CEP41: variants seen among roughly 807,000 people sequenced by gnomAD.
CEP41 encodes centrosomal protein of 41 kDa.
Under a neutral mutation model 44.3 loss-of-function variants are expected in CEP41, and 32 were observed. The observed-to-expected ratio is 0.72, with a 90% confidence interval of 0.54 to 0.97. The LOEUF is 0.97. Among genes scored for constraint, CEP41 ranks in the 50% least tolerant of loss-of-function variants. The pLI, the probability that CEP41 is intolerant of heterozygous loss-of-function variation, is 0.00. For missense variants in CEP41, 432 were observed against 455.2 expected (o/e 0.95, Z 0.46); for synonymous variants, 151 against 168.5 (o/e 0.90, Z 0.80).
chr7:130,432,171 AT>A (rs35852209), intron 1 of CEP41, among the ~76,000 whole-genome samples: 26,188 of 152,062 alleles, frequency 0.17, 2,260 homozygotes, highest in African/African-American at 0.2. Context: ...TGGCAGCAAT[AT>A]TGGAGAATAT....
rs142556122 is a variant in CEP41, at chr7:130,409,129, A to AT, written c.277+1992_277+1993insA. Among the ~76,000 whole-genome samples the AT allele has an allele frequency of 3.3e-3, 500 of 152,350 alleles. 2 individuals are homozygous for AT. Among genetic ancestry groups the AT allele is most frequent in the Non-Finnish European group, 4.8e-3 (326 of 68,028 alleles). On this transcript the variant is annotated intron_variant, in intron 5 of 10. Coordinates refer to ENST00000223208, the MANE Select transcript of CEP41 (RefSeq NM_018718.3). ...CACTTTTAAGTTAGGAAAAAGCGAT[A>AT]AACATTATAAAAGGAGATTTTTATT...
At chr7:130,428,595 A>G (rs1345783620) in intron 1 of CEP41, among the ~76,000 whole-genome samples, 3 of 151,404 alleles carry the variant, frequency 2.0e-5, no homozygotes, top group African/African-American at 4.8e-5. Flanking sequence ...ACTACCTGAT[A>G]AGAAAAAAAA....
rs117226662 is a variant in CEP41 at position 130,420,124 on chromosome 7, C to T, written c.98-3158G>A. On this transcript the variant is annotated intron_variant, in intron 2 of 10. Transcript: ENST00000223208. ...ATTGCTTGAGCCCAGGAGTTCCGGA[C>T]CAGCCTGGGCAAAATAGTGAGACCT... 210 of 936,472 alleles carry T rather than the reference C, an allele frequency of 2.2e-4. 2 individuals are homozygous for T. The East Asian group carries it at 0.022, about 97-fold the overall frequency. The allele number at this position is 936,472 out of a possible 1,614,324, so 58.0% of individuals were successfully genotyped here. A position where few individuals can be genotyped will look rare whatever the true frequency, so the allele number is the denominator to read the frequency against.
intron 2 of CEP41, chr7:130,419,463 TTC>T (rs869034695): frequency 2.0e-6 from 2 of 984,574 alleles, no homozygotes; most frequent in African/African-American, 3.5e-5. Flanking sequence ...TGAAGATAGT[TTC>T]TGACTACCTT....
At chr7:130,400,591 G>C in intron 9 of CEP41, 116 bp downstream of exon 9, 1 of 763,032 alleles carries the variant, frequency 1.3e-6, no homozygotes, top group Non-Finnish European at 2.3e-6. Context: ...CAGCCAGCAT[G>C]GCTTTTTCTC....
At chr7:130,404,498 C>G in intron 6 of CEP41, 66 bp downstream of exon 6, 1 of 1,367,052 alleles carries the variant, frequency 7.3e-7, no homozygotes, top group Non-Finnish European at 1.0e-6. Flanking sequence ...AAAAAGATCC[C>G]TGAAATTGGC....
At chr7:130,405,149 C>T (rs1218580106) in intron 5 of CEP41, among the ~76,000 whole-genome samples, 1 of 152,200 alleles carries the variant, frequency 6.6e-6, no homozygotes, top group African/African-American at 2.4e-5. Context: ...TATTACATCT[C>T]ACCTTGAAGT....
At chr7:130,421,360 G>A (rs1448840699) in intron 2 of CEP41, 2 of 985,332 alleles carry the variant, frequency 2.0e-6, no homozygotes, top group Admixed American at 1.2e-4. Flanking sequence ...CTCCTCTATG[G>A]AGAAGTTCTC....
chr7:130,423,116 T>G (rs1308454494), intron 2 of CEP41, among the ~76,000 whole-genome samples: 11 of 152,082 alleles, frequency 7.2e-5, no homozygotes, highest in Non-Finnish European at 1.5e-4. Flanking sequence ...CTGGCTAATT[T>G]TTTTGTATTT....
chr7:130,397,514 T>C lies in CEP41; in HGVS notation c.*1377A>G. Reference sequence around the variant, plus strand: ...TAGAAATACTGTGGTGCATTTTTTTTTTTTTTTTTTTTTTTTTTTGGTGGC... The same window carrying C: ...TAGAAATACTGTGGTGCATTTTTTTCTTTTTTTTTTTTTTTTTTTGGTGGC... On this transcript the variant is annotated 3_prime_UTR_variant, in exon 11 of 11. Transcript: ENST00000223208. 1 of 359,754 alleles carries C rather than the reference T, an allele frequency of 2.8e-6. No individual in the cohort carries two copies. The highest frequency in any genetic ancestry group is 5.3e-6 in the Non-Finnish European group (1 of 188,300). The allele number at this position is 359,754 out of a possible 1,614,324, so 22.3% of individuals were successfully genotyped here.
rs771256431 is a variant in CEP41 at position 130,395,378 on chromosome 7, G to A, written c.*3513C>T. On this transcript the variant is annotated 3_prime_UTR_variant, in exon 11 of 11. Coordinates refer to ENST00000223208, the MANE Select transcript of CEP41 (RefSeq NM_018718.3). ...TGTTTCCTGGGGAAAAAAAAGTATC[G>A]TGGGAGTTAAATCTTTGAAAGAATT... The A allele has an allele frequency of 2.4e-5, 11 of 453,900 alleles. No individual in the cohort carries two copies. The highest frequency in any genetic ancestry group is 1.6e-4 in the South Asian group (10 of 64,460). 28.1% of individuals were successfully genotyped at this position (453,900 alleles called of 1,614,324 possible).
chr7:130,437,059 T>C (rs1408545704), intron 1 of CEP41, among the ~76,000 whole-genome samples: 8 of 151,316 alleles, frequency 5.3e-5, no homozygotes, highest in Non-Finnish European at 2.9e-5. Flanking sequence ...AACAAACAAA[T>C]TAAAAACATG....
chr7:130,404,528 C>T (rs1796948373), intron 6 of CEP41, 36 bp downstream of exon 6: 2 of 1,597,742 alleles, frequency 1.3e-6, no homozygotes, highest in African/African-American at 1.3e-5. Flanking sequence ...AATATAAAGG[C>T]AAAATGCAGT....
chr7:130,398,766 G>T lies in CEP41; in HGVS notation c.*125C>A. ...AACTGGAGACAGGGACAGGGAAGAG[G>T]CCTATCCCATACATATGTCATGGTC... On this transcript the variant is annotated 3_prime_UTR_variant, in exon 11 of 11. Coordinates refer to ENST00000223208, the MANE Select transcript of CEP41 (RefSeq NM_018718.3). 1 of 1,119,540 alleles carries T rather than the reference G, an allele frequency of 8.9e-7. No homozygotes were observed. Among genetic ancestry groups the T allele is most frequent in the Non-Finnish European group, 1.4e-6 (1 of 739,816 alleles). 69.4% of individuals were successfully genotyped at this position (1,119,540 alleles called of 1,614,324 possible).
chr7:130,437,100 T>C (rs782344904), intron 1 of CEP41, among the ~76,000 whole-genome samples: 3 of 151,380 alleles, frequency 2.0e-5, no homozygotes, highest in African/African-American at 4.9e-5. Context: ...AAATGAAGGA[T>C]TGGAAGATAA....
chr7:130,403,942 C>G (rs1168084447), intron 6 of CEP41, among the ~76,000 whole-genome samples: 1 of 152,170 alleles, frequency 6.6e-6, no homozygotes, highest in South Asian at 2.1e-4. Flanking sequence ...ACTATTTTAT[C>G]AGTCAAAGGG....
intron 4 of CEP41, among the ~76,000 whole-genome samples, 167 bp from the exon 5 acceptor site, chr7:130,411,358 G>A (rs913506712): frequency 2.6e-5 from 4 of 152,200 alleles, no homozygotes; most frequent in Non-Finnish European, 5.9e-5. Context: ...TTCCTTTTGT[G>A]TTGGTAATAT....
chr7:130,421,572 C>A (rs868907735), intron 2 of CEP41: 1 of 987,354 alleles, frequency 1.0e-6, no homozygotes, highest in Middle Eastern at 5.1e-4. Flanking sequence ...ACAGTCAAGG[C>A]TATTAGCAAA....
At position 130,397,295 on chromosome 7, in the gene CEP41, T is replaced by C. The variant is rs1188239621; in HGVS notation, c.*1596A>G. On this transcript the variant is annotated 3_prime_UTR_variant, in exon 11 of 11. Coordinates refer to ENST00000223208, the MANE Select transcript of CEP41 (RefSeq NM_018718.3). ...CTTGAATCTTGTGGAAAATTGGGCA[T>C]GGCTTGACATCTGAACAATGTCCCT... 1 of 454,434 alleles carries C rather than the reference T, an allele frequency of 2.2e-6. No homozygotes were observed. Among genetic ancestry groups the C allele is most frequent in the Non-Finnish European group, 4.4e-6 (1 of 226,806 alleles). The allele number at this position is 454,434 out of a possible 1,614,324, so 28.2% of individuals were successfully genotyped here.
Sources: allele counts gnomAD v4.1 joint callset (sites outside exome capture counted in the v4.1 genomes callset), GRCh38; gene constraint gnomAD v4.1.1; transcripts MANE v1.5; gene names NCBI Gene and HGNC (gene_info 2026-07-23, HGNC 2026-07-21).